The following EIF5B variants were observed in gnomAD, a reference collection of about 807,000 sequenced individuals.
The protein encoded by EIF5B is eIF-5B.
EIF5B carries 47 observed loss-of-function variants against 147.5 expected under a neutral mutation model. That is an observed-to-expected ratio of 0.32 (90% CI 0.25 to 0.41). The LOEUF (loss-of-function observed/expected upper bound fraction) is 0.41. Among genes scored for constraint, EIF5B ranks in the 10% least tolerant of loss-of-function variants. The pLI, the probability that EIF5B is intolerant of heterozygous loss-of-function variation, is 1.00. For synonymous variants in EIF5B, 455 were observed against 456.2 expected (o/e 1.00, Z 0.03); for missense variants, 1,064 against 1,413.2 (o/e 0.75, Z 3.96).
At position 99,383,808 on chromosome 2, in the gene EIF5B, T is replaced by G. The variant is rs565179406; in HGVS notation, c.2271+887T>G. Among the ~76,000 whole-genome samples, 44 of 152,328 alleles carry G rather than the reference T, an allele frequency of 2.9e-4. 1 individual carries two copies. Among genetic ancestry groups the G allele is most frequent in the South Asian group, 1.7e-3 (8 of 4,822 alleles). On this transcript the variant is annotated intron_variant, in intron 14 of 23. Coordinates refer to ENST00000289371, the MANE Select transcript of EIF5B (RefSeq NM_015904.4). ...ATTGGCAAAAGATGCCATCTTGGAC[T>G]TTCATAGCTAGAGAGAAATCACTGC...
intron 22 of EIF5B, 57 bp downstream of exon 22, chr2:99,396,955 A>T: frequency 6.4e-7 from 1 of 1,551,014 alleles, no homozygotes; most frequent in Non-Finnish European, 8.7e-7. Flanking sequence ...ATGAGTGTCC[A>T]AGAGTCGTAC....
intron 1 of EIF5B, among the ~76,000 whole-genome samples, chr2:99,354,834 C>T (rs979888604): frequency 2.3e-5 from 3 of 131,926 alleles, no homozygotes; most frequent in Non-Finnish European, 4.6e-5. Context: ...ACAGTGTTTC[C>T]GTCTGTCACC....
At chr2:99,344,735 C>G (rs888944638) in intron 1 of EIF5B, among the ~76,000 whole-genome samples, 1 of 152,120 alleles carries the variant, frequency 6.6e-6, no homozygotes, top group South Asian at 2.1e-4. Flanking sequence ...CTGCATCCAG[C>G]CGGCACCACA....
chr2:99,361,988 T>C (rs945904253), intron 4 of EIF5B, among the ~76,000 whole-genome samples, 168 bp downstream of exon 4: 8 of 152,260 alleles, frequency 5.3e-5, no homozygotes, highest in Non-Finnish European at 1.0e-4. Context: ...ATTTGCATTG[T>C]TAATTCTTTA....
intron 4 of EIF5B, 110 bp from the exon 5 acceptor site, chr2:99,363,535 G>A: frequency 3.8e-6 from 4 of 1,062,332 alleles, no homozygotes; most frequent in Non-Finnish European, 5.5e-6. Context: ...CCTGCTGCTG[G>A]CATCGGCCTT....
intron 14 of EIF5B, among the ~76,000 whole-genome samples, chr2:99,389,362 A>G (rs1446782905): frequency 6.6e-6 from 1 of 152,210 alleles, no homozygotes; most frequent in African/African-American, 2.4e-5. Context: ...ATATAATTTT[A>G]TAGTGATGGT....
intron 1 of EIF5B, among the ~76,000 whole-genome samples, chr2:99,345,943 C>CA (rs70940169): frequency 0.42 from 57,797 of 136,708 alleles, 11,919 homozygotes; most frequent in Admixed American, 0.55. Flanking sequence ...GACCCTGTCT[C>CA]AAAAAAAAAA....
At chr2:99,399,271 G>T (rs1240823829) in intron 23 of EIF5B, 36 bp from the exon 24 acceptor site, 1 of 1,598,054 alleles carries the variant, frequency 6.3e-7, no homozygotes, top group East Asian at 2.2e-5. Flanking sequence ...CGTTTGTTAT[G>T]TTCTGTTTAC....
At chr2:99,347,583 ATACTTTG>A (rs1436367094) in intron 1 of EIF5B, among the ~76,000 whole-genome samples, 2 of 151,676 alleles carry the variant, frequency 1.3e-5, no homozygotes, top group African/African-American at 2.4e-5. Flanking sequence ...TCCTATAACT[ATACTTTG>A]AGTAGTAGGA....
At chr2:99,384,070 A>G (rs11888134) in intron 14 of EIF5B, among the ~76,000 whole-genome samples, 91,350 of 148,772 alleles carry the variant, frequency 0.61, 28,836 homozygotes, top group African/African-American at 0.74. Flanking sequence ...AGTGGCGGGC[A>G]CCTGTAGTCC....
chr2:99,364,229 TTAAA>T (rs755341734), intron 5 of EIF5B, 38 bp from the exon 6 acceptor site: 5 of 1,528,732 alleles, frequency 3.3e-6, no homozygotes, highest in Non-Finnish European at 4.4e-6. Flanking sequence ...TTATAGTTCA[TTAAA>T]TGAATACAGG....
chr2:99,353,585 G>A (rs1674030491), intron 1 of EIF5B, among the ~76,000 whole-genome samples: 1 of 152,126 alleles, frequency 6.6e-6, no homozygotes, highest in Admixed American at 6.5e-5. Context: ...TACATGTGTA[G>A]GTCTGTATAT....
intron 1 of EIF5B, among the ~76,000 whole-genome samples, chr2:99,343,010 G>GA (rs1254085224): frequency 1.3e-5 from 2 of 150,914 alleles, no homozygotes; most frequent in Non-Finnish European, 2.9e-5. Flanking sequence ...GGCCAGGCTG[G>GA]AGTGCAGTGG....
intron 8 of EIF5B, 123 bp from the exon 9 acceptor site, chr2:99,371,533 C>A (rs1439562542): frequency 7.7e-6 from 5 of 649,718 alleles, no homozygotes; most frequent in Non-Finnish European, 1.2e-5. Context: ...TAGCTGCATA[C>A]ATATTTTTTA....
chr2:99,392,235 C>T (rs897211088), intron 17 of EIF5B, among the ~76,000 whole-genome samples: 12 of 151,882 alleles, frequency 7.9e-5, no homozygotes, highest in African/African-American at 2.2e-4. Flanking sequence ...CCACCACACC[C>T]GGCTAATTTT....
In EIF5B at chr2:99,356,986, G is replaced by A. The variant is rs117001998; in HGVS notation, c.36-3250G>A. 1.5e-3 allele frequency among the ~76,000 whole-genome samples: 228 copies of A among 152,284 alleles called. 3 individuals carry two copies. The East Asian group carries it at 0.037, about 25-fold the overall frequency. The stretch of plus-strand genomic sequence containing the variant: ...GAGTTCTCTGTGTATTTGGGATACA[G>A]GTCTTTCAGCTAGTAGTGCTTTGCA... On this transcript the variant is annotated intron_variant, in intron 1 of 23. Coordinates refer to ENST00000289371, the MANE Select transcript of EIF5B (RefSeq NM_015904.4).
At chr2:99,345,437 A>G (rs910277886) in intron 1 of EIF5B, among the ~76,000 whole-genome samples, 2 of 152,070 alleles carry the variant, frequency 1.3e-5, no homozygotes, top group Admixed American at 6.6e-5. Context: ...TACTAAAAAT[A>G]CAAAAAATTA....
chr2:99,399,191 G>GT, intron 23 of EIF5B, 116 bp from the exon 24 acceptor site: 1 of 1,038,520 alleles, frequency 9.6e-7, no homozygotes, highest in South Asian at 1.6e-5. Context: ...GGCAAGCCCT[G>GT]TTTTTTATTT....
intron 1 of EIF5B, among the ~76,000 whole-genome samples, chr2:99,342,624 C>T (rs1008119545): frequency 1.8e-3 from 213 of 117,532 alleles, no homozygotes; most frequent in Non-Finnish European, 3.0e-3. Flanking sequence ...TCTTTTTTGT[C>T]TCCTTTTCTC....
Sources: allele counts gnomAD v4.1 joint callset (sites outside exome capture counted in the v4.1 genomes callset), GRCh38; gene constraint gnomAD v4.1.1; transcripts MANE v1.5; gene names NCBI Gene and HGNC (gene_info 2026-07-23, HGNC 2026-07-21).